Variants in PIGN observed in about 807,000 individuals in gnomAD.
PIGN encodes phosphatidylinositol glycan anchor biosynthesis class N, also known as GPI ethanolamine phosphate transferase 1.
PIGN carries 117 observed loss-of-function variants against 125.4 expected under a neutral mutation model. That is an observed-to-expected ratio of 0.93 (90% confidence interval 0.80 to 1.09). The LOEUF (loss-of-function observed/expected upper bound fraction) is 1.09. Ranked by LOEUF, PIGN falls within the 50% of genes least tolerant of loss-of-function variation. PIGN has a pLI of 0.00. For synonymous variants in PIGN, 392 were observed against 377.8 expected, an observed-to-expected ratio of 1.04 and a Z score of -0.44; for missense variants, 1,075 against 1,094.9, an observed-to-expected ratio of 0.98 and a Z score of 0.26.
At chr18:62,048,183 A>G (rs1486378698) in intron 30 of PIGN, among the ~76,000 whole-genome samples, 1 of 152,172 alleles carries the variant, frequency 6.6e-6, no homozygotes, top group Non-Finnish European at 1.5e-5. Flanking sequence ...GTTAAAAAAA[A>G]ATGAACAGAG....
chr18:62,174,708 T>C (rs2037459271), intron 1 of PIGN, among the ~76,000 whole-genome samples: 1 of 151,946 alleles, frequency 6.6e-6, no homozygotes, highest in African/African-American at 2.4e-5. Context: ...CCAATATTAT[T>C]AATTAATTAA....
At chr18:62,113,348 C>A (rs775960952) in intron 15 of PIGN, 32 bp from the exon 16 acceptor site, 3 of 1,495,934 alleles carry the variant, frequency 2.0e-6, no homozygotes, top group East Asian at 4.6e-5. Context: ...AACTTGCTAA[C>A]AGAAATAATA....
intron 23 of PIGN, among the ~76,000 whole-genome samples, chr18:62,018,719 G>A (rs1400741193): frequency 6.6e-6 from 1 of 152,152 alleles, no homozygotes; most frequent in Admixed American, 6.5e-5. Context: ...AGGCCTCCCA[G>A]ACTGTGGGTG....
At chr18:62,177,565 C>T (rs1448488667) in intron 1 of PIGN, among the ~76,000 whole-genome samples, 3 of 152,122 alleles carry the variant, frequency 2.0e-5, no homozygotes, top group African/African-American at 7.2e-5. Flanking sequence ...TGTGAATATG[C>T]CATCCTTTCC....
At chr18:62,164,010 T>C (rs1176482553) in intron 1 of PIGN, among the ~76,000 whole-genome samples, 4 of 152,244 alleles carry the variant, frequency 2.6e-5, no homozygotes, top group African/African-American at 9.6e-5. Flanking sequence ...TATCAGAATT[T>C]CCTTCCTTTT....
downstream of PIGN, among the ~76,000 whole-genome samples, chr18:62,036,750 T>C (rs1379883314): frequency 6.6e-6 from 1 of 152,170 alleles, no homozygotes; most frequent in Admixed American, 6.5e-5. Context: ...CCTGAAAGAA[T>C]CCTTATCTTA....
intron 14 of PIGN, among the ~76,000 whole-genome samples, chr18:62,115,619 T>G (rs1226908835): frequency 1.4e-5 from 2 of 145,652 alleles, no homozygotes; most frequent in Non-Finnish European, 3.0e-5. Flanking sequence ...GAGATAGGAC[T>G]GAGACTTGTA....
chr18:62,101,992 C>G (rs1038800969), intron 21 of PIGN, among the ~76,000 whole-genome samples: 4 of 151,916 alleles, frequency 2.6e-5, no homozygotes, highest in Non-Finnish European at 5.9e-5. Flanking sequence ...CTTTGGGAGG[C>G]CGGGGTGGGT....
chr18:62,129,224 T>C (rs901254509), intron 14 of PIGN, among the ~76,000 whole-genome samples: 1 of 152,194 alleles, frequency 6.6e-6, no homozygotes, highest in Non-Finnish European at 1.5e-5. Flanking sequence ...CCAATGAAAT[T>C]GGCAAAGGCT....
chr18:62,110,149 T>C (rs2034819206), intron 16 of PIGN, 176 bp from the exon 17 acceptor site: 3 of 536,252 alleles, frequency 5.6e-6, no homozygotes, highest in Admixed American at 3.5e-5. Flanking sequence ...TTGAGGAGCA[T>C]ATTAGAGAGG....
chr18:62,128,798 T>C (rs1271072928), intron 14 of PIGN, among the ~76,000 whole-genome samples: 2 of 152,176 alleles, frequency 1.3e-5, no homozygotes, highest in Non-Finnish European at 2.9e-5. Flanking sequence ...TTGCATCTAC[T>C]GTCCCTTAGC....
intron 14 of PIGN, among the ~76,000 whole-genome samples, chr18:62,127,692 T>G (rs577883127): frequency 1.1e-3 from 162 of 152,216 alleles, no homozygotes; most frequent in African/African-American, 3.3e-3. Context: ...GTGTGTTTTT[T>G]TTTTGTTTTG....
At chr18:62,059,782 A>G (rs1388582983) in intron 30 of PIGN, among the ~76,000 whole-genome samples, 1 of 152,236 alleles carries the variant, frequency 6.6e-6, no homozygotes, top group African/African-American at 2.4e-5. Context: ...CATTTATTAA[A>G]TCATTAAAAA....
chr18:62,137,435 C>T (rs982158428), intron 14 of PIGN: 2 of 234,036 alleles, frequency 8.5e-6, no homozygotes, highest in Non-Finnish European at 1.6e-5. Flanking sequence ...CTCCCCTTCA[C>T]ATATACATCT....
At chr18:62,138,211 T>G in intron 14 of PIGN, 32 bp downstream of exon 14, 1 of 1,539,434 alleles carries the variant, frequency 6.5e-7, no homozygotes, top group Non-Finnish European at 8.7e-7. Flanking sequence ...AATTCTTTCC[T>G]TCAAGTTAAT....
chr18:62,122,675 C>G (rs982360334), intron 14 of PIGN, among the ~76,000 whole-genome samples: 1 of 152,098 alleles, frequency 6.6e-6, no homozygotes, highest in African/African-American at 2.4e-5. Context: ...AAAAAAGACC[C>G]TGATTAGTTA....
intron 25 of PIGN, among the ~76,000 whole-genome samples, chr18:62,086,010 G>A (rs1017875021): frequency 1.4e-4 from 21 of 152,208 alleles, no homozygotes; most frequent in African/African-American, 4.8e-4. Flanking sequence ...GAGTTGGTGA[G>A]CTGAGCCTTT....
chr18:62,170,227 T>A (rs2037302547), intron 1 of PIGN, among the ~76,000 whole-genome samples: 1 of 152,228 alleles, frequency 6.6e-6, no homozygotes, highest in Non-Finnish European at 1.5e-5. Flanking sequence ...TGGTTCTTAA[T>A]ATATTCTAGA....
chr18:62,121,970 A>G (rs777307094), intron 14 of PIGN, among the ~76,000 whole-genome samples: 1 of 152,104 alleles, frequency 6.6e-6, no homozygotes, highest in Non-Finnish European at 1.5e-5. Flanking sequence ...TGGTGGTTGT[A>G]CTAATTTACA....
Sources: gnomAD v4.1 joint callset for allele counts (sites outside exome capture counted in the v4.1 genomes callset) on GRCh38, gnomAD v4.1.1 for gene constraint, MANE v1.5 for transcripts, NCBI Gene and HGNC (gene_info 2026-07-23, HGNC 2026-07-21) for gene names.